RBFOX1: variants seen among roughly 807,000 people sequenced by gnomAD.
The protein encoded by RBFOX1 is RNA binding protein fox-1 homolog 1.
In RBFOX1, 8 loss-of-function variants were observed where a neutral mutation model predicts 57.7. The observed-to-expected ratio is 0.14, with a 90% confidence interval of 0.08 to 0.25. The LOEUF (loss-of-function observed/expected upper bound fraction) is 0.25. RBFOX1 is among the 10% of genes least tolerant of loss of function. The pLI is 1.00. For missense variants in RBFOX1, 611 were observed against 548.5 expected (o/e 1.11, Z -1.14); for synonymous variants, 326 against 222.4 (o/e 1.47, Z -4.15).
chr16:5,501,976 G>C (rs2043212763), intron 2 of RBFOX1, among the ~76,000 whole-genome samples: 1 of 151,878 alleles, frequency 6.6e-6, no homozygotes, highest in Admixed American at 6.6e-5. Context: ...TCCCACCTTG[G>C]CCTCCCAAAG....
intron 4 of RBFOX1, among the ~76,000 whole-genome samples, chr16:7,475,073 G>C (rs912439160): frequency 6.6e-6 from 1 of 152,172 alleles, no homozygotes; most frequent in African/African-American, 2.4e-5. Flanking sequence ...GTCTTTGAGA[G>C]TTCAGAAGAG....
intron 3 of RBFOX1, among the ~76,000 whole-genome samples, chr16:6,843,827 T>G (rs758689620): frequency 7.2e-5 from 11 of 152,188 alleles, no homozygotes. Flanking sequence ...ATTTGACCCT[T>G]AGGTTGAAGT....
intron 3 of RBFOX1, among the ~76,000 whole-genome samples, chr16:7,021,847 T>C (rs72776265): frequency 0.024 from 3,609 of 151,538 alleles, 65 homozygotes; most frequent in Non-Finnish European, 0.035. Flanking sequence ...GTTGGTATTA[T>C]CTTCATTCTA....
chr16:5,977,768 C>G (rs551576075), intron 4 of RBFOX1, among the ~76,000 whole-genome samples: 7 of 152,146 alleles, frequency 4.6e-5, no homozygotes, highest in African/African-American at 1.7e-4. Flanking sequence ...GGCAACTAGC[C>G]CACTGTCCCG....
At chr16:5,933,507 G>A (rs187263094) in intron 4 of RBFOX1, among the ~76,000 whole-genome samples, 12 of 152,314 alleles carry the variant, frequency 7.9e-5, no homozygotes, top group Admixed American at 3.3e-4. Flanking sequence ...TTGTTTTCCT[G>A]ATGTGAAAAA....
At chr16:7,593,615 T>C (rs2094550093) in intron 7 of RBFOX1, among the ~76,000 whole-genome samples, 1 of 152,140 alleles carries the variant, frequency 6.6e-6, no homozygotes, top group Non-Finnish European at 1.5e-5. Flanking sequence ...CTCGATACAG[T>C]TCACCCTTGA....
intron 2 of RBFOX1, among the ~76,000 whole-genome samples, chr16:6,494,977 C>T (rs2095727114): frequency 6.6e-6 from 1 of 152,246 alleles, no homozygotes; most frequent in South Asian, 2.1e-4. Flanking sequence ...ACTGTTCTTA[C>T]TTATGGAGGA....
chr16:7,198,105 A>G (rs2087260333), intron 4 of RBFOX1, among the ~76,000 whole-genome samples: 1 of 137,974 alleles, frequency 7.2e-6, no homozygotes, highest in South Asian at 2.3e-4. Context: ...TCCTGGGTTC[A>G]CGCCATTCTC....
At chr16:5,929,278 G>A (rs917136428) in intron 4 of RBFOX1, among the ~76,000 whole-genome samples, 13 of 151,924 alleles carry the variant, frequency 8.6e-5, no homozygotes, top group Admixed American at 6.6e-5. Context: ...GCAAGTTCAA[G>A]TTCTTACTTA....
intron 1 of RBFOX1, among the ~76,000 whole-genome samples, chr16:5,375,965 G>T (rs2065973454): frequency 6.6e-6 from 1 of 152,090 alleles, no homozygotes; most frequent in African/African-American, 2.4e-5. Context: ...TCGGGAGTCT[G>T]AGACCAGCCT....
intron 4 of RBFOX1, among the ~76,000 whole-genome samples, chr16:7,290,839 T>A (rs79756455): frequency 6.6e-6 from 1 of 152,204 alleles, no homozygotes; most frequent in Non-Finnish European, 1.5e-5. Flanking sequence ...CTAAGCCTTC[T>A]GAGTCTCAGC....
intron 4 of RBFOX1, among the ~76,000 whole-genome samples, chr16:7,145,296 C>G (rs1017827151): frequency 6.6e-6 from 1 of 152,126 alleles, no homozygotes; most frequent in Non-Finnish European, 1.5e-5. Context: ...CCTCAACTTC[C>G]CGGGTACAAG....
In RBFOX1 at chr16:6,510,854, TA is replaced by T. The variant is rs957647339; in HGVS notation, c.-63-143736del. Among the ~76,000 whole-genome samples the T allele has an allele frequency of 8.3e-3, 1,161 of 140,346 alleles. 1 individual carries two copies. Among genetic ancestry groups the T allele is most frequent in the African/African-American group, 0.016 (602 of 38,212 alleles). The allele number at this position is 140,346 out of a possible 152,430, so 92.1% of individuals were successfully genotyped here. A position where few individuals can be genotyped will look rare whatever the true frequency, so the allele number is the denominator to read the frequency against. ...TGTTGCACCCTTAGTGCTGCACCCT[TA>T]AAAAAAAAAAAAGGAAAAAAAGGTA... On this transcript the variant is annotated intron_variant, in intron 2 of 15. Transcript: ENST00000550418.
intron 1 of RBFOX1, among the ~76,000 whole-genome samples, chr16:5,248,138 T>A (rs1284628582): frequency 6.6e-6 from 1 of 152,230 alleles, no homozygotes; most frequent in African/African-American, 2.4e-5. Flanking sequence ...GCTGCCACTC[T>A]GAGGGATGGA....
chr16:6,776,295 C>G (rs12149081), intron 3 of RBFOX1, among the ~76,000 whole-genome samples: 52,911 of 151,672 alleles, frequency 0.35, 10,157 homozygotes, highest in Non-Finnish European at 0.43. Context: ...CCTGTAGTCC[C>G]AGCTACTCGG....
chr16:6,243,872 T>G (rs2097553793), intron 1 of RBFOX1, among the ~76,000 whole-genome samples: 1 of 152,140 alleles, frequency 6.6e-6, no homozygotes, highest in Admixed American at 6.5e-5. Flanking sequence ...ATATCTGAGA[T>G]GAAGAGAGGA....
chr16:5,809,089 A>G (rs1455448860), intron 3 of RBFOX1, among the ~76,000 whole-genome samples: 2 of 152,170 alleles, frequency 1.3e-5, no homozygotes, highest in African/African-American at 4.8e-5. Context: ...TCCCTACTTA[A>G]TAAATGGTGG....
chr16:7,630,568 C>A, intron 10 of RBFOX1, 35 bp from the exon 11 acceptor site: 1 of 1,613,048 alleles, frequency 6.2e-7, no homozygotes, highest in Non-Finnish European at 8.5e-7. Context: ...GTACCGATTC[C>A]CAAACCAGAT....
In RBFOX1 at chr16:6,242,791, A is replaced by G. The variant is rs995000924; in HGVS notation, c.-126-74204A>G. 7.9e-5 allele frequency among the ~76,000 whole-genome samples: 12 copies of G among 152,150 alleles called. No individual in the cohort carries two copies. In the South Asian group the frequency reaches 1.0e-3, roughly 13 times the overall value. Reference sequence around the variant, plus strand: ...CAGAAGGCACCCAGATAATAAACACATAACCCTTGTTTTAAGCCCAGATGT... The same window carrying G: ...CAGAAGGCACCCAGATAATAAACACGTAACCCTTGTTTTAAGCCCAGATGT... On this transcript the variant is annotated intron_variant, in intron 1 of 15. Transcript: ENST00000550418.
Sources: gnomAD v4.1 joint callset for allele counts (sites outside exome capture counted in the v4.1 genomes callset) on GRCh38, gnomAD v4.1.1 for gene constraint, MANE v1.5 for transcripts, NCBI Gene and HGNC (gene_info 2026-07-23, HGNC 2026-07-21) for gene names.